KIAA0825: variants seen among roughly 807,000 people sequenced by gnomAD.
KIAA0825 encodes uncharacterized protein KIAA0825.
KIAA0825 carries 119 observed loss-of-function variants against 147.6 expected under a neutral mutation model. That is an observed-to-expected ratio of 0.81 (90% CI 0.69 to 0.94). The LOEUF is 0.94. KIAA0825 is among the 40% of genes least tolerant of loss of function. The pLI is 0.00. For missense variants in KIAA0825, 1,381 were observed against 1,472.7 expected (o/e 0.94, Z 1.02); for synonymous variants, 470 against 518.1 (o/e 0.91, Z 1.26).
At chr5:94,216,834 A>C (rs576178061) in intron 20 of KIAA0825, among the ~76,000 whole-genome samples, 1 of 152,310 alleles carries the variant, frequency 6.6e-6, no homozygotes, top group South Asian at 2.1e-4. Context: ...GTTTAGGAGA[A>C]CTGAAAAGTA....
chr5:94,547,979 G>C (rs903139071), intron 2 of KIAA0825, among the ~76,000 whole-genome samples: 2 of 151,988 alleles, frequency 1.3e-5, no homozygotes, highest in African/African-American at 4.8e-5. Context: ...AGCTGACAGA[G>C]TTCATCAACT....
chr5:94,530,684 A>T (rs1043363534), intron 3 of KIAA0825, among the ~76,000 whole-genome samples: 1 of 152,166 alleles, frequency 6.6e-6, no homozygotes, highest in African/African-American at 2.4e-5. Flanking sequence ...TTCAATCTCC[A>T]GGCACCACCC....
chr5:94,439,865 T>A, intron 14 of KIAA0825, 117 bp downstream of exon 14: 2 of 1,064,222 alleles, frequency 1.9e-6, no homozygotes, highest in Non-Finnish European at 2.7e-6. Flanking sequence ...CAGCTGAATG[T>A]TGATACATGC....
At chr5:94,464,222 A>G (rs905475528) in intron 11 of KIAA0825, among the ~76,000 whole-genome samples, 1 of 152,160 alleles carries the variant, frequency 6.6e-6, no homozygotes, top group Non-Finnish European at 1.5e-5. Flanking sequence ...AGACCACTGT[A>G]GTCATGTAAG....
At chr5:94,208,841 G>A (rs2150039609) in intron 20 of KIAA0825, among the ~76,000 whole-genome samples, 1 of 152,298 alleles carries the variant, frequency 6.6e-6, no homozygotes, top group South Asian at 2.1e-4. Context: ...GCAAGTGTTT[G>A]AACTTGAAAA....
chr5:94,312,788 G>T (rs546845421), intron 20 of KIAA0825, among the ~76,000 whole-genome samples: 8 of 151,430 alleles, frequency 5.3e-5, no homozygotes, highest in Non-Finnish European at 1.2e-4. Context: ...ACCATAAAAA[G>T]GTTTAGAGCA....
intron 20 of KIAA0825, among the ~76,000 whole-genome samples, chr5:94,286,851 A>T (rs1416079815): frequency 6.6e-6 from 1 of 151,980 alleles, no homozygotes; most frequent in Non-Finnish European, 1.5e-5. Context: ...TGTGGCTGGT[A>T]CTCAGGGAAT....
At chr5:94,185,070 C>T (rs867813329) in intron 20 of KIAA0825, among the ~76,000 whole-genome samples, 3 of 152,152 alleles carry the variant, frequency 2.0e-5, no homozygotes, top group African/African-American at 7.2e-5. Flanking sequence ...TATTGTCTTT[C>T]ATGTCAGTCT....
At chr5:94,399,153 T>C (rs1382610880) in intron 16 of KIAA0825, among the ~76,000 whole-genome samples, 1 of 152,158 alleles carries the variant, frequency 6.6e-6, no homozygotes, top group Non-Finnish European at 1.5e-5. Context: ...TTTCTTTTTA[T>C]TCAAATTAAT....
chr5:94,579,307 G>A (rs1781643473), intron 2 of KIAA0825, among the ~76,000 whole-genome samples: 1 of 152,174 alleles, frequency 6.6e-6, no homozygotes, highest in Non-Finnish European at 1.5e-5. Context: ...CCGTAAACGA[G>A]TGAGAACATT....
intron 5 of KIAA0825, among the ~76,000 whole-genome samples, chr5:94,496,243 G>C (rs1764339563): frequency 6.6e-6 from 1 of 152,146 alleles, no homozygotes; most frequent in Non-Finnish European, 1.5e-5. Flanking sequence ...AATACTTCAT[G>C]ACATGTGAAA....
intron 20 of KIAA0825, among the ~76,000 whole-genome samples, chr5:94,321,209 C>G (rs114510398): frequency 0.021 from 3,169 of 152,016 alleles, 63 homozygotes; most frequent in Non-Finnish European, 0.03. Flanking sequence ...TTAAATACCC[C>G]AAGGTCATTG....
intron 1 of KIAA0825, among the ~76,000 whole-genome samples, chr5:94,590,242 G>A (rs755379009): frequency 1.1e-4 from 17 of 152,098 alleles, no homozygotes; most frequent in Non-Finnish European, 1.8e-4. Flanking sequence ...TGATCTGTCC[G>A]CGTCAGCCTT....
intron 20 of KIAA0825, among the ~76,000 whole-genome samples, chr5:94,182,250 C>CTTTTTTTTTTTTTTTTATTTTTT (rs1769705332): frequency 2.6e-5 from 1 of 38,276 alleles, no homozygotes; most frequent in African/African-American, 1.1e-4. Context: ...AATGTCCCTT[C>CTTTTTTTTTTTTTTTTATTTTTT]TTTTTTTTTT....
intron 14 of KIAA0825, among the ~76,000 whole-genome samples, chr5:94,423,430 C>T (rs573809376): frequency 6.6e-6 from 1 of 152,248 alleles, no homozygotes; most frequent in East Asian, 1.9e-4. Context: ...AGAATTTCAA[C>T]TTGTTAGTGC....
intron 2 of KIAA0825, among the ~76,000 whole-genome samples, chr5:94,561,482 C>T (rs751305807): frequency 6.6e-6 from 1 of 152,154 alleles, no homozygotes; most frequent in South Asian, 2.1e-4. Flanking sequence ...GCAGCTGGCA[C>T]GTGAAGTGAG....
chr5:94,277,488 G>C (rs1777273715), intron 20 of KIAA0825, among the ~76,000 whole-genome samples: 1 of 152,094 alleles, frequency 6.6e-6, no homozygotes, highest in Non-Finnish European at 1.5e-5. Flanking sequence ...CATTTATGCG[G>C]CCAACAAACA....
chr5:94,439,897 C>T (rs1187480192), intron 14 of KIAA0825, 85 bp downstream of exon 14: 1 of 1,365,986 alleles, frequency 7.3e-7, no homozygotes, highest in Admixed American at 2.3e-5. Flanking sequence ...ATCTTTCTTC[C>T]AATGTTTGCC....
intron 14 of KIAA0825, among the ~76,000 whole-genome samples, chr5:94,419,889 CAGTT>C (rs1753953140): frequency 6.6e-6 from 1 of 152,046 alleles, no homozygotes; most frequent in Non-Finnish European, 1.5e-5. Flanking sequence ...AAAAGTGTCT[CAGTT>C]AGGATGATAA....
Sources: allele counts gnomAD v4.1 joint callset (sites outside exome capture counted in the v4.1 genomes callset), GRCh38; gene constraint gnomAD v4.1.1; transcripts MANE v1.5; gene names NCBI Gene and HGNC (gene_info 2026-07-23, HGNC 2026-07-21).